Variants in PLCL1 observed in about 807,000 individuals in gnomAD.
The protein encoded by PLCL1 is inactive phospholipase C-like protein 1.
A neutral mutation model predicts 84.4 loss-of-function variants in PLCL1; 41 were observed. The observed-to-expected ratio is 0.49, with a 90% confidence interval of 0.38 to 0.63. The LOEUF is 0.63. PLCL1 is among the 30% of genes least tolerant of loss of function. The probability of loss-of-function intolerance (pLI) is 0.00; values close to 1 mark genes in which losing one functional copy is unlikely to be tolerated. For missense variants in PLCL1, 1,206 were observed against 1,367.8 expected (o/e 0.88, Z 1.87); for synonymous variants, 490 against 488.3 (o/e 1.00, Z -0.05).
rs148729071 is a variant in PLCL1, at chr2:198,010,536, G to A, written c.241-73222G>A. 1.1e-3 allele frequency among the ~76,000 whole-genome samples: 162 copies of A among 151,760 alleles called. 1 individual carries two copies. The highest frequency in any genetic ancestry group is 3.8e-3 in the African/African-American group (158 of 41,468). ...CCCTCTTGATCATGGTGTGATCAAC[G>A]TGTGCTTGAATTTGGTTTGCTATTA... is the stretch of plus-strand genomic sequence containing the variant. On this transcript the variant is annotated intron_variant, in intron 1 of 5. Coordinates refer to ENST00000428675, the MANE Select transcript of PLCL1 (RefSeq NM_006226.4).
intron 5 of PLCL1, among the ~76,000 whole-genome samples, chr2:198,128,239 A>G (rs1049610209): frequency 3.3e-5 from 5 of 152,172 alleles, no homozygotes; most frequent in East Asian, 1.9e-4. Context: ...TCAGGCCATG[A>G]TGGGAACCTG....
At chr2:197,972,428 C>T (rs570708239) in intron 1 of PLCL1, among the ~76,000 whole-genome samples, 34 of 152,228 alleles carry the variant, frequency 2.2e-4, no homozygotes, top group Admixed American at 1.7e-3. Flanking sequence ...CCAAGAGATG[C>T]GACCTTGTTG....
At chr2:198,128,678 G>A (rs148550924) in intron 5 of PLCL1, among the ~76,000 whole-genome samples, 2,343 of 152,246 alleles carry the variant, frequency 0.015, 53 homozygotes, top group African/African-American at 0.053. Context: ...GTAGCCTCCA[G>A]CTGCATGACT....
intron 1 of PLCL1, among the ~76,000 whole-genome samples, chr2:197,962,516 C>T (rs1559057553): frequency 6.6e-6 from 1 of 152,062 alleles, no homozygotes; most frequent in Non-Finnish European, 1.5e-5. Context: ...TATTTCGGTA[C>T]AGGCACACAT....
chr2:197,956,442 G>T (rs938044893), intron 1 of PLCL1, among the ~76,000 whole-genome samples: 2 of 152,148 alleles, frequency 1.3e-5, no homozygotes, highest in African/African-American at 4.8e-5. Context: ...ACCCAGTAAT[G>T]GGATTACGGG....
chr2:197,862,669 A>G (rs773537648), intron 1 of PLCL1, among the ~76,000 whole-genome samples: 1 of 152,128 alleles, frequency 6.6e-6, no homozygotes, highest in Non-Finnish European at 1.5e-5. Flanking sequence ...AAATCCCTGT[A>G]TTCTTTTGGT....
At chr2:197,936,134 C>G (rs1174667919) in intron 1 of PLCL1, among the ~76,000 whole-genome samples, 1 of 144,906 alleles carries the variant, frequency 6.9e-6, no homozygotes, top group East Asian at 2.0e-4. Flanking sequence ...ATTAAACACC[C>G]CCCCCCTCAC....
chr2:197,819,817 G>T (rs56976004), intron 1 of PLCL1, among the ~76,000 whole-genome samples: 9,132 of 151,684 alleles, frequency 0.06, 874 homozygotes, highest in African/African-American at 0.21. Context: ...CAACAGTCTG[G>T]GAAGACATGT....
In PLCL1 at chr2:198,088,866, C is replaced by T. The variant is rs770703280; in HGVS notation, c.2724C>T (p.Ile908=). ...TGTTTTCTTCCTCACAGAATGCAAT[C>T]GTGTCTATTAAGGAACTATGTGGAC... is the stretch of plus-strand genomic sequence containing the variant. ...IDMRENMQNA[I]VSIKELCGLP... The change falls in exon 3 of 6, where the codon ATC becomes ATT. Residue 908 remains isoleucine (I), a synonymous_variant. Transcript: ENST00000428675. The T allele has an allele frequency of 2.4e-5, 39 of 1,600,814 alleles. No individual in the cohort carries two copies. The highest frequency in any genetic ancestry group is 2.0e-4 in the South Asian group (18 of 90,794).
Position 198,101,570 on chromosome 2 carries a change from G to A in PLCL1, c.2995+210G>A, listed in dbSNP as rs568974446. Among the ~76,000 whole-genome samples the A allele has an allele frequency of 5.9e-5, 9 of 151,996 alleles. No individual in the cohort carries two copies. The South Asian group carries it at 6.3e-4, about 11-fold the overall frequency. On this transcript the variant is annotated intron_variant, in intron 4 of 5. Coordinates refer to ENST00000428675, the MANE Select transcript of PLCL1 (RefSeq NM_006226.4). ...GATAATAGGTGGGTTGTATGTGAGC[G>A]TACAGGGTTGGGGTGGTGTCTGAAG...
intron 1 of PLCL1, among the ~76,000 whole-genome samples, chr2:197,937,654 A>T (rs1323188641): frequency 6.6e-6 from 1 of 152,244 alleles, no homozygotes; most frequent in Non-Finnish European, 1.5e-5. Context: ...CATCCTTGAA[A>T]TGTTGCAGAG....
intron 1 of PLCL1, among the ~76,000 whole-genome samples, chr2:197,908,421 C>A (rs1377580854): frequency 6.6e-6 from 1 of 152,310 alleles, no homozygotes; most frequent in African/African-American, 2.4e-5. Context: ...CTTATATTGA[C>A]CCCGCATCTG....
chr2:197,906,651 G>T (rs1431681055), intron 1 of PLCL1, among the ~76,000 whole-genome samples: 1 of 152,124 alleles, frequency 6.6e-6, no homozygotes, highest in Non-Finnish European at 1.5e-5. Flanking sequence ...ATTACTTTGG[G>T]CAGTAAGGCC....
At chr2:197,894,123 G>C (rs1219021297) in intron 1 of PLCL1, among the ~76,000 whole-genome samples, 1 of 151,882 alleles carries the variant, frequency 6.6e-6, no homozygotes, top group African/African-American at 2.4e-5. Context: ...AGTCATATTG[G>C]CCAGAGAGTT....
intron 5 of PLCL1, among the ~76,000 whole-genome samples, chr2:198,109,253 C>T (rs1467965965): frequency 3.3e-5 from 5 of 151,730 alleles, no homozygotes; most frequent in East Asian, 2.0e-4. Context: ...AGGGGAGGAA[C>T]GGTGTCTCCT....
intron 1 of PLCL1, among the ~76,000 whole-genome samples, chr2:198,065,727 C>A (rs1011480175): frequency 6.6e-6 from 1 of 152,088 alleles, no homozygotes; most frequent in Non-Finnish European, 1.5e-5. Context: ...GCCTATTTTC[C>A]CTTGATTAAA....
At chr2:197,865,945 AG>A (rs1475955706) in intron 1 of PLCL1, among the ~76,000 whole-genome samples, 10 of 144,630 alleles carry the variant, frequency 6.9e-5, no homozygotes, top group Non-Finnish European at 1.5e-4. Flanking sequence ...AGAAGGTTAA[AG>A]GCTGCATAAG....
At chr2:197,941,962 G>A (rs1324116009) in intron 1 of PLCL1, among the ~76,000 whole-genome samples, 1 of 152,042 alleles carries the variant, frequency 6.6e-6, no homozygotes, top group South Asian at 2.1e-4. Flanking sequence ...TCTGGGGATG[G>A]AACTGGGGAG....
chr2:198,139,029 C>G (rs1030279803), intron 5 of PLCL1, among the ~76,000 whole-genome samples: 1 of 152,088 alleles, frequency 6.6e-6, no homozygotes, highest in Non-Finnish European at 1.5e-5. Context: ...GTGGCCTGTA[C>G]CTGTAATCCC....
Sources: allele counts gnomAD v4.1 joint callset (sites outside exome capture counted in the v4.1 genomes callset), GRCh38; gene constraint gnomAD v4.1.1; transcripts MANE v1.5; gene names NCBI Gene and HGNC (gene_info 2026-07-23, HGNC 2026-07-21).